The following LRRC8B variants were observed in gnomAD, a reference collection of about 807,000 sequenced individuals.
The protein encoded by LRRC8B is leucine rich repeat containing 8 VRAC subunit B.
LRRC8B carries 23 observed loss-of-function variants against 58.8 expected under a neutral mutation model. That is an observed-to-expected ratio of 0.39 (90% CI 0.28 to 0.55). LRRC8B has a LOEUF of 0.55. Among genes scored for constraint, LRRC8B ranks in the 20% least tolerant of loss-of-function variants. LRRC8B has a pLI of 0.62. For missense variants in LRRC8B, 694 were observed against 936.0 expected (o/e 0.74, Z 3.37); for synonymous variants, 359 against 374.1 (o/e 0.96, Z 0.47).
At chr1:89,573,623 T>C (rs904020299) in intron 3 of LRRC8B, among the ~76,000 whole-genome samples, 1 of 152,188 alleles carries the variant, frequency 6.6e-6, no homozygotes, top group African/African-American at 2.4e-5. Context: ...TCAGCTTCTT[T>C]CCTTGAATTC....
At chr1:89,548,000 AGTGAATT>A (rs1570580111) in intron 1 of LRRC8B, among the ~76,000 whole-genome samples, 1 of 151,520 alleles carries the variant, frequency 6.6e-6, no homozygotes, top group East Asian at 1.9e-4. Context: ...AGTGCTGTCA[AGTGAATT>A]GTCTTTTATG....
chr1:89,568,239 C>T lies in LRRC8B; in HGVS notation c.-240-8C>T, dbSNP rs1207142167. ...TAGTTTGTGACAGTGATTTGTTTCT[C>T]TCCCTAGGTAATAGTTAACCTCTTC... is the stretch of plus-strand genomic sequence containing the variant. On this transcript the variant is annotated splice_polypyrimidine_tract_variant and splice_region_variant and intron_variant, in intron 1 of 5. Transcript: ENST00000330947. The T allele has an allele frequency of 6.6e-6, 1 of 152,126 alleles. No individual in the cohort carries two copies. Among genetic ancestry groups the T allele is most frequent in the Non-Finnish European group, 1.5e-5 (1 of 67,980 alleles). 9.4% of individuals were successfully genotyped at this position (152,126 alleles called of 1,614,324 possible).
intron 4 of LRRC8B, among the ~76,000 whole-genome samples, chr1:89,581,578 G>A: frequency 6.6e-6 from 1 of 152,196 alleles, no homozygotes; most frequent in East Asian, 1.9e-4. Flanking sequence ...ATTGATGTAT[G>A]TAAGACTCAA....
intron 1 of LRRC8B, among the ~76,000 whole-genome samples, chr1:89,535,534 A>G (rs576778200): frequency 6.6e-6 from 1 of 152,360 alleles, no homozygotes; most frequent in Admixed American, 6.5e-5. Context: ...TATAAAAACA[A>G]CAATAACAAA....
At chr1:89,562,859 C>G (rs1652784859) in intron 1 of LRRC8B, among the ~76,000 whole-genome samples, 1 of 152,186 alleles carries the variant, frequency 6.6e-6, no homozygotes, top group Non-Finnish European at 1.5e-5. Context: ...GGATGTTTTC[C>G]CACCCAGGGA....
chr1:89,542,866 A>C (rs985552666), intron 1 of LRRC8B, among the ~76,000 whole-genome samples: 2 of 152,210 alleles, frequency 1.3e-5, no homozygotes, highest in African/African-American at 4.8e-5. Flanking sequence ...GTTAGGGCCT[A>C]TGTGTCCTCA....
intron 3 of LRRC8B, among the ~76,000 whole-genome samples, chr1:89,573,288 G>A (rs1407485832): frequency 6.7e-6 from 1 of 148,534 alleles, no homozygotes; most frequent in African/African-American, 2.5e-5. Context: ...CACAGAGCAA[G>A]ACTCCGTCTC....
At chr1:89,557,528 T>A (rs1269315821) in intron 1 of LRRC8B, among the ~76,000 whole-genome samples, 1 of 152,216 alleles carries the variant, frequency 6.6e-6, no homozygotes, top group African/African-American at 2.4e-5. Flanking sequence ...ATTATCTGTA[T>A]TTTAAAGCTG....
At chr1:89,545,916 C>T (rs17438800) in intron 1 of LRRC8B, among the ~76,000 whole-genome samples, 1 of 152,016 alleles carries the variant, frequency 6.6e-6, no homozygotes, top group Admixed American at 6.6e-5. Context: ...GAAATCATTG[C>T]GGATGAAACG....
chr1:89,541,635 C>T (rs111955497), intron 1 of LRRC8B, among the ~76,000 whole-genome samples: 7,887 of 136,384 alleles, frequency 0.058, 258 homozygotes, highest in African/African-American at 0.088. Flanking sequence ...GGCGTGAACC[C>T]GGGAGGCGGA....
intron 1 of LRRC8B, among the ~76,000 whole-genome samples, chr1:89,525,594 G>A (rs1460566777): frequency 1.3e-5 from 2 of 152,162 alleles, no homozygotes; most frequent in Non-Finnish European, 2.9e-5. Context: ...AGAAAGAAAG[G>A]GCAAGCGTTA....
Position 89,583,052 on chromosome 1 carries a change from C to G in LRRC8B, c.402C>G (p.Ala134=). The G allele has an allele frequency of 6.2e-7, 1 of 1,614,192 alleles. No individual in the cohort carries two copies. The highest frequency in any genetic ancestry group is 1.1e-5 in the South Asian group (1 of 91,084). ...LVLLHTLIFA[A]CSNFWLHYPS... is the part of the protein sequence containing the mutation. ...TCTTGCACACGCTCATCTTTGCAGC[C>G]TGCAGCAACTTTTGGCTTCACTACC... The change falls in exon 5 of 6, where the codon GCC becomes GCG. Residue 134 remains alanine (A), a synonymous_variant. Coordinates refer to ENST00000330947, the MANE Select transcript of LRRC8B (RefSeq NM_001369817.2). This position sits in a 1 kb window ranked among gnomAD's most constrained non-coding sequence, Gnocchi z 5.2.
chr1:89,542,222 G>A (rs984937417), intron 1 of LRRC8B, among the ~76,000 whole-genome samples: 2 of 152,186 alleles, frequency 1.3e-5, no homozygotes, highest in African/African-American at 4.8e-5. Flanking sequence ...TCATCTGCTA[G>A]GGCAAGCTTT....
chr1:89,526,690 G>T lies in LRRC8B; in HGVS notation c.-241+1668G>T, dbSNP rs139236490. On this transcript the variant is annotated intron_variant, in intron 1 of 5. Coordinates refer to ENST00000330947, the MANE Select transcript of LRRC8B (RefSeq NM_001369817.2). ...GCTAAAAAGAGGTCTCTTGAATGGG[G>T]GTGATGTTGTCATTGAGTGCACCCT... Among the ~76,000 whole-genome samples, 196 of 152,296 alleles carry T rather than the reference G, an allele frequency of 1.3e-3. 1 individual carries two copies. In the East Asian group the frequency reaches 0.036, roughly 28 times the overall value.
chr1:89,538,666 T>G (rs546606420), intron 1 of LRRC8B, among the ~76,000 whole-genome samples: 78 of 152,326 alleles, frequency 5.1e-4, no homozygotes, highest in African/African-American at 1.8e-3. Context: ...GTATGTCATT[T>G]CCAAAACTAG....
At chr1:89,564,169 C>T (rs1395938067) in intron 1 of LRRC8B, among the ~76,000 whole-genome samples, 1 of 152,140 alleles carries the variant, frequency 6.6e-6, no homozygotes, top group Non-Finnish European at 1.5e-5. Context: ...AATGTTTCTT[C>T]ATAAGAGGCT....
chr1:89,526,133 GC>G (rs760202494), intron 1 of LRRC8B, among the ~76,000 whole-genome samples: 2 of 152,200 alleles, frequency 1.3e-5, no homozygotes, highest in Non-Finnish European at 2.9e-5. Flanking sequence ...AAGTCAAACT[GC>G]AGTGTAATTT....
At chr1:89,562,080 G>C (rs558869163) in intron 1 of LRRC8B, among the ~76,000 whole-genome samples, 41 of 150,398 alleles carry the variant, frequency 2.7e-4, no homozygotes, top group African/African-American at 1.0e-3. Context: ...TTTCACATAG[G>C]CACCCAGTAA....
intron 5 of LRRC8B, 36 bp downstream of exon 5, chr1:89,584,825 G>A (rs1296513093): frequency 1.4e-6 from 2 of 1,416,538 alleles, no homozygotes; most frequent in Non-Finnish European, 1.9e-6. Context: ...TTCAGTATCT[G>A]CCGTACTTAT....
Sources: gnomAD v4.1 joint callset for allele counts (sites outside exome capture counted in the v4.1 genomes callset) on GRCh38, gnomAD v4.1.1 for gene constraint, Gnocchi (gnomAD v3.1) non-coding constraint, MANE v1.5 for transcripts, NCBI Gene and HGNC (gene_info 2026-07-23, HGNC 2026-07-21) for gene names.